QSOX1: variants seen among roughly 807,000 people sequenced by gnomAD.
QSOX1 encodes the protein quiescin sulfhydryl oxidase 1, also known as sulfhydryl oxidase 1.
QSOX1 carries 40 observed loss-of-function variants against 76.1 expected under a neutral mutation model. That is an observed-to-expected ratio of 0.53 (90% CI 0.41 to 0.68). The LOEUF (loss-of-function observed/expected upper bound fraction) is 0.68, where lower values mean the gene tolerates loss of function less well. Among genes scored for constraint, QSOX1 ranks in the 30% least tolerant of loss-of-function variants. The pLI is 0.00. For synonymous variants in QSOX1, 392 were observed against 413.1 expected (o/e 0.95, Z 0.62); for missense variants, 931 against 974.3 (o/e 0.96, Z 0.59).
intron 2 of QSOX1, among the ~76,000 whole-genome samples, chr1:180,169,006 C>T (rs1468350755): frequency 2.6e-4 from 40 of 152,264 alleles, no homozygotes; most frequent in Non-Finnish European, 2.9e-5. Context: ...TCTGGCCTCC[C>T]TGAGTGGCAT....
chr1:180,166,682 C>A, intron 2 of QSOX1, 91 bp downstream of exon 2: 1 of 1,247,498 alleles, frequency 8.0e-7, no homozygotes, highest in Non-Finnish European at 1.2e-6. Context: ...TCGGGATGGG[C>A]AGATTTCAGC....
At chr1:180,195,108 A>G (rs1663437455) in intron 11 of QSOX1, among the ~76,000 whole-genome samples, 2 of 152,038 alleles carry the variant, frequency 1.3e-5, no homozygotes. Context: ...CGAACTTTGA[A>G]AGGAAGACAT....
chr1:180,198,257 A>C lies in QSOX1; in HGVS notation c.*1220A>C. On this transcript the variant is annotated 3_prime_UTR_variant, in exon 12 of 12. Transcript: ENST00000367602. ...GTGCAGCCTTGCCACCCCCTGCCCC[A>C]ATCCTCCCTGAGAGCTCCTGCCTCA... 2.2e-6 allele frequency: 1 copy of C among 456,214 alleles called. No homozygotes were observed. Among genetic ancestry groups the C allele is most frequent in the South Asian group, 1.5e-5 (1 of 64,530 alleles). 28.3% of individuals were successfully genotyped at this position (456,214 alleles called of 1,614,324 possible). A position where few individuals can be genotyped will look rare whatever the true frequency, so the allele number is the denominator to read the frequency against.
At position 180,196,426 on chromosome 1, in the gene QSOX1, C is replaced by A. The variant is rs1333967488; in HGVS notation, c.1633C>A (p.Pro545Thr). 8.7e-6 allele frequency: 14 copies of A among 1,614,194 alleles called. No individual in the cohort carries two copies. Among genetic ancestry groups the A allele is most frequent in the Non-Finnish European group, 1.2e-5 (14 of 1,180,040 alleles). ...FSPSNIILDFPAAGSAARRDV... is the reference protein window; with the variant it reads ...FSPSNIILDFTAAGSAARRDV... ...CCCAAGCAACATCATCCTGGACTTC[C>A]CTGCAGCTGGGTCAGCTGCCCGGAG... The change falls in exon 12 of 12, where the codon CCT becomes ACT. Residue 545 changes from proline (P) to threonine (T), a missense_variant. Transcript: ENST00000367602. This position sits in a 1 kb window ranked among gnomAD's most constrained non-coding sequence, Gnocchi z 4.1.
Position 180,201,044 on chromosome 1 carries a change from G to C in QSOX1, c.*4007G>C, listed in dbSNP as rs1003283997. ...TCTCGGGTCCTTGTTTTTAGGCCTC[G>C]TTTGAAGGAGGGGAAGAAACCAGGT... is the stretch of plus-strand genomic sequence containing the variant. On this transcript the variant is annotated 3_prime_UTR_variant, in exon 12 of 12. Transcript: ENST00000367602. 6.6e-6 allele frequency: 1 copy of C among 152,158 alleles called. No individual in the cohort carries two copies. The highest frequency in any genetic ancestry group is 2.4e-5 in the African/African-American group (1 of 41,444). The allele number at this position is 152,158 out of a possible 1,614,324, so 9.4% of individuals were successfully genotyped here. A position where few individuals can be genotyped will look rare whatever the true frequency, so the allele number is the denominator to read the frequency against.
intron 1 of QSOX1, among the ~76,000 whole-genome samples, chr1:180,159,985 G>A (rs1662458278): frequency 6.6e-6 from 1 of 152,190 alleles, no homozygotes; most frequent in South Asian, 2.1e-4. Flanking sequence ...AGGTTAAGGT[G>A]TCCTCATTAT....
chr1:180,191,810 G>A (rs1301126377), intron 10 of QSOX1, among the ~76,000 whole-genome samples: 1 of 152,178 alleles, frequency 6.6e-6, no homozygotes, highest in African/African-American at 2.4e-5. Context: ...CTGTGTTGGT[G>A]TCCTTGGGCT....
At chr1:180,194,107 G>A in intron 10 of QSOX1, 106 bp from the exon 11 acceptor site, 1 of 1,064,944 alleles carries the variant, frequency 9.4e-7, no homozygotes, top group South Asian at 1.5e-5. Flanking sequence ...CACCTGTGCA[G>A]GGGTGGCCAC....
At position 180,154,945 on chromosome 1, in the gene QSOX1, CGCTGCTGCT is replaced by C. The variant is rs760402375; in HGVS notation, c.49_57del (p.Leu17_Leu19del). On this transcript the variant is annotated inframe_deletion, in exon 1 of 12. Coordinates refer to ENST00000367602, the MANE Select transcript of QSOX1 (RefSeq NM_002826.5). Reference sequence around the variant, plus strand: ...AACAGCGGCTCCGGGCCGCCGCCGTCGCTGCTGCTGCTGCTGCTGTGGCTGCTCGCGGTT... The same window carrying C: ...AACAGCGGCTCCGGGCCGCCGCCGTCGCTGCTGCTGTGGCTGCTCGCGGTT... 6.8e-7 allele frequency: 1 copy of C among 1,468,162 alleles called. No individual in the cohort carries two copies. 90.9% of individuals were successfully genotyped at this position (1,468,162 alleles called of 1,614,324 possible).
Position 180,196,525 on chromosome 1 carries a change from C to G in QSOX1, c.1732C>G (p.Leu578Val). The G allele has an allele frequency of 2.5e-6, 4 of 1,614,216 alleles. No homozygotes were observed. Among genetic ancestry groups the G allele is most frequent in the Middle Eastern group, 3.3e-4 (2 of 6,062 alleles). ...GGAGCTGGAAAGCCGGAATTCAACT[C>G]TGGACCCTGGGAAGCCTGAGATGAT... ...ALELESRNST[L>V]DPGKPEMMKS... Residue 578 changes from leucine to valine, a missense_variant, in exon 12 of 12, where the codon CTG becomes GTG. Transcript: ENST00000367602. The surrounding 1 kb of genome is among the most constrained non-coding windows in gnomAD (Gnocchi z 4.1).
Position 180,178,894 on chromosome 1 carries a change from C to T in QSOX1, c.606+10C>T, listed in dbSNP as rs779547657. 2 of 1,604,318 alleles carry T rather than the reference C, an allele frequency of 1.2e-6. No homozygotes were observed. The highest frequency in any genetic ancestry group is 3.3e-5 in the Admixed American group (2 of 59,988). ...CTACCTGGGTAGAGAGGTGAGCTGC[C>T]CTGAAGTTCCCTGCAATTCTTGGAT... is the stretch of plus-strand genomic sequence containing the variant. On this transcript the variant is annotated intron_variant, in intron 5 of 11. Transcript: ENST00000367602.
At chr1:180,158,481 G>C (rs1011141252) in intron 1 of QSOX1, among the ~76,000 whole-genome samples, 1 of 152,196 alleles carries the variant, frequency 6.6e-6, no homozygotes, top group Admixed American at 6.5e-5. Flanking sequence ...CCTTCTGCTG[G>C]TGCCGTGGAT....
rs893733544 is a variant in QSOX1 at position 180,203,028 on chromosome 1, G to C, written c.*5991G>C. The C allele has an allele frequency of 6.6e-6, 1 of 152,044 alleles. No individual in the cohort carries two copies. Among genetic ancestry groups the C allele is most frequent in the East Asian group, 1.9e-4 (1 of 5,194 alleles). 9.4% of individuals were successfully genotyped at this position (152,044 alleles called of 1,614,324 possible). ...GGAGGTTGCAGTGAGCTGAGATCGC[G>C]CCATTGCACTCCAGCCTGGGGGACA... On this transcript the variant is annotated 3_prime_UTR_variant, in exon 12 of 12. Transcript: ENST00000367602.
At chr1:180,157,945 G>A (rs1662409159) in intron 1 of QSOX1, among the ~76,000 whole-genome samples, 2 of 152,190 alleles carry the variant, frequency 1.3e-5, no homozygotes, top group African/African-American at 4.8e-5. Context: ...CCAGGGGAGG[G>A]GAAAGTCACA....
intron 10 of QSOX1, 83 bp from the exon 11 acceptor site, chr1:180,194,130 G>T: frequency 8.9e-6 from 12 of 1,355,748 alleles, no homozygotes; most frequent in Non-Finnish European, 1.2e-5. Flanking sequence ...CAGGATGGGG[G>T]GCGGCAGGGT....
intron 3 of QSOX1, 97 bp from the exon 4 acceptor site, chr1:180,175,834 C>A: frequency 1.1e-6 from 1 of 934,532 alleles, no homozygotes; most frequent in Non-Finnish European, 1.7e-6. Flanking sequence ...GCTGGCTGTG[C>A]CCTCGGCCCT....
chr1:180,189,415 A>G (rs1251732854), intron 8 of QSOX1, 137 bp from the exon 9 acceptor site: 2 of 842,938 alleles, frequency 2.4e-6, no homozygotes, highest in South Asian at 3.6e-5. Context: ...TGGTTTTGGA[A>G]CTTTGCACAA....
chr1:180,198,883 G>A lies in QSOX1; in HGVS notation c.*1846G>A, dbSNP rs144074207. On this transcript the variant is annotated 3_prime_UTR_variant, in exon 12 of 12. Transcript: ENST00000367602. The stretch of plus-strand genomic sequence containing the variant: ...CCTGTGTGCCCACTGCACCAAGGCC[G>A]CTGAATAAGCCTGCCCTTCACCCCC... The A allele has an allele frequency of 4.8e-4, 82 of 170,048 alleles. No individual in the cohort carries two copies. Among genetic ancestry groups the A allele is most frequent in the East Asian group, 4.3e-3 (28 of 6,484 alleles). The allele number at this position is 170,048 out of a possible 1,614,324, so 10.5% of individuals were successfully genotyped here. A position where few individuals can be genotyped will look rare whatever the true frequency, so the allele number is the denominator to read the frequency against.
chr1:180,189,654 G>A lies in QSOX1; in HGVS notation c.1120G>A (p.Ala374Thr), dbSNP rs1176969780. Residue 374 changes from alanine (A) to threonine (T), a missense_variant, in exon 9 of 12, where the codon GCC (alanine) becomes ACC (threonine). Transcript: ENST00000367602. ...AATTCCCTACAGTTTCTTTAAAACT[G>A]CCCTGGACGACAGGAAAGAGGTGAG... ...NKIPYSFFKTALDDRKEGAVL... is the reference protein window; with the variant it reads ...NKIPYSFFKTTLDDRKEGAVL... The A allele has an allele frequency of 6.2e-7, 1 of 1,613,142 alleles. No homozygotes were observed. Among genetic ancestry groups the A allele is most frequent in the Non-Finnish European group, 8.5e-7 (1 of 1,179,410 alleles).
Sources: allele counts gnomAD v4.1 joint callset (sites outside exome capture counted in the v4.1 genomes callset), GRCh38; gene constraint gnomAD v4.1.1; non-coding constraint Gnocchi (gnomAD v3.1); transcripts MANE v1.5; gene names NCBI Gene and HGNC (gene_info 2026-07-23, HGNC 2026-07-21).